Variants in SUCLG1 observed in about 807,000 individuals in gnomAD.
SUCLG1 encodes succinate-CoA ligase GDP/ADP-forming subunit alpha, also known as succinate--CoA ligase [ADP/GDP-forming] subunit alpha, mitochondrial.
SUCLG1 carries 26 observed loss-of-function variants against 37.3 expected under a neutral mutation model. The observed-to-expected ratio is 0.70, with a 90% CI of 0.51 to 0.97. The LOEUF is 0.97. Ranked by LOEUF, SUCLG1 falls within the 50% of genes least tolerant of loss-of-function variation. The pLI is 0.00. For synonymous variants in SUCLG1, 163 were observed against 155.6 expected (o/e 1.05, Z -0.36); for missense variants, 433 against 432.9 (o/e 1.00, Z 0.00).
chr2:84,432,573 A>G (rs1460741118), intron 6 of SUCLG1: 2 of 152,208 alleles, frequency 1.3e-5, no homozygotes, highest in African/African-American at 4.8e-5. Flanking sequence ...CTGTCACACT[A>G]AAAAGTATCT....
At chr2:84,456,338 T>C (rs1673020077) in intron 1 of SUCLG1, among the ~76,000 whole-genome samples, 2 of 152,202 alleles carry the variant, frequency 1.3e-5, no homozygotes, top group African/African-American at 4.8e-5. Context: ...GTATCACTTC[T>C]GATACTCACT....
chr2:84,451,872 G>A (rs779413735), intron 1 of SUCLG1, among the ~76,000 whole-genome samples: 1 of 152,134 alleles, frequency 6.6e-6, no homozygotes, highest in Non-Finnish European at 1.5e-5. Context: ...AGATAAGCTG[G>A]AACTAACAGA....
rs11555948 is a variant in SUCLG1 at position 84,441,293 on chromosome 2, T to C, written c.485A>G (p.Gln162Arg). ...MVRVKHKLLR[Q>R]EKTRLIGPNC... Reference sequence around the variant, plus strand: ...GGGCCCAATTAGCCTTGTCTTTTCCTGGCGCAGCAGTTTGTGCTTGACTCG... The same window carrying C: ...GGGCCCAATTAGCCTTGTCTTTTCCCGGCGCAGCAGTTTGTGCTTGACTCG... The change falls in exon 4 of 9, where the codon CAG becomes CGG. Residue 162 changes from glutamine to arginine, a missense_variant. Transcript: ENST00000393868. 3.7e-6 allele frequency: 6 copies of C among 1,614,168 alleles called. No individual in the cohort carries two copies. In the Admixed American group the frequency reaches 8.3e-5, roughly 22 times the overall value.
intron 6 of SUCLG1, chr2:84,433,121 C>A (rs371028148): frequency 9.1e-5 from 52 of 574,274 alleles, no homozygotes; most frequent in Admixed American, 1.2e-4. Flanking sequence ...GCTTCGGGAG[C>A]CACGTGTTCC....
chr2:84,447,234 C>T (rs1409608563), intron 2 of SUCLG1, among the ~76,000 whole-genome samples: 1 of 152,110 alleles, frequency 6.6e-6, no homozygotes, highest in Non-Finnish European at 1.5e-5. Flanking sequence ...AACTTCAGAC[C>T]TCACCATTAT....
At chr2:84,444,610 G>C (rs887621994) in intron 2 of SUCLG1, among the ~76,000 whole-genome samples, 10 of 152,180 alleles carry the variant, frequency 6.6e-5, no homozygotes, top group Admixed American at 6.5e-4. Context: ...TATCTTATCA[G>C]GAGACAGGCT....
Position 84,450,267 on chromosome 2 carries a change from A to G in SUCLG1, c.98-515T>C, listed in dbSNP as rs193254043. ...CAACTCATTCTCTAGTAAGAACAAC[A>G]TATTAAATGTTAAGTCATAGGATAA... On this transcript the variant is annotated intron_variant, in intron 1 of 8. Transcript: ENST00000393868. Among the ~76,000 whole-genome samples, 1,160 of 152,282 alleles carry G rather than the reference A, an allele frequency of 7.6e-3. 7 individuals are homozygous for G. The highest frequency in any genetic ancestry group is 0.012 in the Non-Finnish European group (827 of 68,030).
chr2:84,453,121 A>G (rs2104267819), intron 1 of SUCLG1, among the ~76,000 whole-genome samples: 1 of 152,322 alleles, frequency 6.6e-6, no homozygotes, highest in South Asian at 2.1e-4. Flanking sequence ...AAATAAATAA[A>G]ACCCAAAAGC....
chr2:84,435,233 C>T (rs12618709), intron 5 of SUCLG1, among the ~76,000 whole-genome samples: 2,245 of 152,320 alleles, frequency 0.015, 45 homozygotes, highest in East Asian at 0.066. Context: ...TTCTAATCAT[C>T]CTTCAAGGTC....
At chr2:84,437,925 CTA>C (rs1222336698) in intron 5 of SUCLG1, among the ~76,000 whole-genome samples, 5 of 152,158 alleles carry the variant, frequency 3.3e-5, no homozygotes, top group African/African-American at 1.2e-4. Flanking sequence ...GGATGAATCT[CTA>C]GAGACTTATT....
chr2:84,432,742 A>G (rs1672629660), intron 6 of SUCLG1: 1 of 152,410 alleles, frequency 6.6e-6, no homozygotes, highest in Non-Finnish European at 1.5e-5. Context: ...ACTTGAAAGA[A>G]TATTTATTAA....
At chr2:84,436,431 C>T (rs538556670) in intron 5 of SUCLG1, among the ~76,000 whole-genome samples, 2 of 152,274 alleles carry the variant, frequency 1.3e-5, no homozygotes, top group South Asian at 4.1e-4. Context: ...CGAACACAAA[C>T]TTTTTATTCA....
chr2:84,454,811 C>T (rs1672994309), intron 1 of SUCLG1, among the ~76,000 whole-genome samples: 1 of 152,162 alleles, frequency 6.6e-6, no homozygotes, highest in Non-Finnish European at 1.5e-5. Context: ...ATGATGCAAT[C>T]TATGGTCAAA....
rs572533314 is a variant in SUCLG1 at position 84,456,748 on chromosome 2, C to T, written c.97+2425G>A. Among the ~76,000 whole-genome samples, 4 of 152,280 alleles carry T rather than the reference C, an allele frequency of 2.6e-5. No homozygotes were observed. In the South Asian group the frequency reaches 8.3e-4, roughly 32 times the overall value. On this transcript the variant is annotated intron_variant, in intron 1 of 8. Coordinates refer to ENST00000393868, the MANE Select transcript of SUCLG1 (RefSeq NM_003849.4). The stretch of plus-strand genomic sequence containing the variant: ...GCACGATCTCAGCTCACTGCAAGCT[C>T]CACCTCCCGGGTTCAAGCAATTCTC...
At chr2:84,453,464 G>C (rs1029344390) in intron 1 of SUCLG1, among the ~76,000 whole-genome samples, 7 of 152,006 alleles carry the variant, frequency 4.6e-5, no homozygotes, top group African/African-American at 1.4e-4. Context: ...GCCCAGGCTG[G>C]AGTGCAGTGG....
chr2:84,449,760 G>A lies in SUCLG1; in HGVS notation c.98-8C>T. ...GAATTCCATTCTGCGGCACTAAGAG[G>A]TTAAAAAAAAAAAAAAAAAAAAAAA... On this transcript the variant is annotated splice_polypyrimidine_tract_variant and splice_region_variant and intron_variant, in intron 1 of 8. Transcript: ENST00000393868. 3.7e-6 allele frequency: 3 copies of A among 802,820 alleles called. No individual in the cohort carries two copies. Among genetic ancestry groups the A allele is most frequent in the Non-Finnish European group, 3.5e-6 (2 of 571,896 alleles). The allele number at this position is 802,820 out of a possible 1,614,324, so 49.7% of individuals were successfully genotyped here.
At chr2:84,432,062 A>G (rs888156722) in intron 6 of SUCLG1, among the ~76,000 whole-genome samples, 21 of 152,214 alleles carry the variant, frequency 1.4e-4, no homozygotes, top group African/African-American at 4.1e-4. Context: ...AACATTTAAC[A>G]AATTTCTTTG....
chr2:84,455,181 G>A (rs1359281370), intron 1 of SUCLG1, among the ~76,000 whole-genome samples: 1 of 152,096 alleles, frequency 6.6e-6, no homozygotes, highest in Non-Finnish European at 1.5e-5. Context: ...TTAATAAGCT[G>A]TAAGTACCAT....
chr2:84,425,975 C>T (rs893785637), intron 7 of SUCLG1: 17 of 311,492 alleles, frequency 5.5e-5, no homozygotes, highest in Non-Finnish European at 8.6e-5. Context: ...TAATATTATG[C>T]CTTAATTCAT....
Sources: gnomAD v4.1 joint callset for allele counts (sites outside exome capture counted in the v4.1 genomes callset) on GRCh38, gnomAD v4.1.1 for gene constraint, MANE v1.5 for transcripts, NCBI Gene and HGNC (gene_info 2026-07-23, HGNC 2026-07-21) for gene names.